TP63: variants seen among roughly 807,000 people sequenced by gnomAD.
TP63 encodes the protein tumor protein 63.
Under a neutral mutation model 82.8 loss-of-function variants are expected in TP63, and 17 were observed. That is an observed-to-expected ratio of 0.21 (90% CI 0.14 to 0.31). The LOEUF is 0.31. Ranked by LOEUF, TP63 falls within the 10% of genes least tolerant of loss-of-function variation. TP63 has a pLI of 1.00. For synonymous variants in TP63, 330 were observed against 321.7 expected (o/e 1.03, Z -0.28); for missense variants, 648 against 895.3 (o/e 0.72, Z 3.52).
chr3:189,731,810 A>C (rs1393772078), intron 1 of TP63, among the ~76,000 whole-genome samples: 1 of 152,234 alleles, frequency 6.6e-6, no homozygotes, highest in African/African-American at 2.4e-5. Context: ...CTTTGAACAG[A>C]ATGATTGTTC....
chr3:189,603,947 C>A, the TP63 span, among the ~76,000 whole-genome samples: 1 of 152,028 alleles, frequency 6.6e-6, no homozygotes, highest in African/African-American at 2.4e-5. Context: ...CAAAAGTTAA[C>A]ACTCCAGCCA....
intron 3 of TP63, among the ~76,000 whole-genome samples, chr3:189,748,796 A>T (rs1413672828): frequency 6.6e-6 from 1 of 152,142 alleles, no homozygotes; most frequent in African/African-American, 2.4e-5. Context: ...TTAGAAGCCT[A>T]AAGTAACCAA....
At chr3:189,609,736 A>G in the TP63 span, among the ~76,000 whole-genome samples, 1 of 152,210 alleles carries the variant, frequency 6.6e-6, no homozygotes, top group African/African-American at 2.4e-5. Flanking sequence ...GCTGCGTAAT[A>G]TTCCATGGTG....
chr3:189,880,060 G>A, intron 10 of TP63: 1 of 1,613,464 alleles, frequency 6.2e-7, no homozygotes, highest in Non-Finnish European at 8.5e-7. Flanking sequence ...GTTCCTCTCT[G>A]CAGTCTCCTT....
intron 1 of TP63, among the ~76,000 whole-genome samples, chr3:189,682,550 AAAAATATATATATATATATATATAT>A (rs59441046): frequency 0.34 from 15,454 of 45,146 alleles, 1,345 homozygotes; most frequent in Admixed American, 0.44. Flanking sequence ...AAAAAAAAAA[AAAAATATATATATATATATATATAT>A]ATATATATAT....
intron 1 of TP63, among the ~76,000 whole-genome samples, chr3:189,645,063 A>G (rs1712289373): frequency 6.6e-6 from 1 of 152,114 alleles, no homozygotes; most frequent in African/African-American, 2.4e-5. Context: ...ATAATTTGTT[A>G]TGTACCTGTT....
chr3:189,878,914 C>T (rs919343590), intron 10 of TP63, among the ~76,000 whole-genome samples: 3 of 139,656 alleles, frequency 2.1e-5, no homozygotes, highest in African/African-American at 8.1e-5. Context: ...AGGTGTGAGC[C>T]ACCGCGCCCA....
chr3:189,860,111 C>CG lies in TP63; in HGVS notation c.580-4119dup, dbSNP rs770902164. Among the ~76,000 whole-genome samples, 7 of 151,670 alleles carry CG rather than the reference C, an allele frequency of 4.6e-5. No individual in the cohort carries two copies. In the East Asian group the frequency reaches 9.7e-4, roughly 21 times the overall value. On this transcript the variant is annotated intron_variant, in intron 4 of 13. Coordinates refer to ENST00000264731, the MANE Select transcript of TP63 (RefSeq NM_003722.5). Reference sequence around the variant, plus strand: ...TGCACTTAAAAACTGGTATACTTTGCGGAAAAGTATACCACATAAAACAAA... The same window carrying CG: ...TGCACTTAAAAACTGGTATACTTTGCGGGAAAAGTATACCACATAAAACAAA...
chr3:189,890,996 CA>C, intron 13 of TP63, 114 bp downstream of exon 13: 1 of 929,254 alleles, frequency 1.1e-6, no homozygotes, highest in Non-Finnish European at 1.7e-6. Flanking sequence ...GTCATGCCCC[CA>C]ATTATCCATT....
In TP63 at chr3:189,895,754, T is replaced by C. The variant is rs1291344848; in HGVS notation, c.*1252T>C. ...CTCCTATTCTATAAAACTCTGCATG[T>C]AGAGGCTTGTTTACCTTTCTCTCTC... On this transcript the variant is annotated 3_prime_UTR_variant, in exon 14 of 14. Coordinates refer to ENST00000264731, the MANE Select transcript of TP63 (RefSeq NM_003722.5). The C allele has an allele frequency of 1.3e-5, 3 of 228,378 alleles. No individual in the cohort carries two copies. The highest frequency in any genetic ancestry group is 6.6e-5 in the African/African-American group (3 of 45,122). The allele number at this position is 228,378 out of a possible 1,614,324, so 14.1% of individuals were successfully genotyped here. A position where few individuals can be genotyped will look rare whatever the true frequency, so the allele number is the denominator to read the frequency against.
intron 3 of TP63, among the ~76,000 whole-genome samples, chr3:189,745,767 A>C (rs1156395476): frequency 6.6e-6 from 1 of 151,000 alleles, no homozygotes; most frequent in Non-Finnish European, 1.5e-5. Flanking sequence ...GAATTTACTA[A>C]GTGAAATCCA....
chr3:189,638,549 G>C (rs1711535705), intron 1 of TP63, among the ~76,000 whole-genome samples: 1 of 152,072 alleles, frequency 6.6e-6, no homozygotes, highest in African/African-American at 2.4e-5. Context: ...CTGACTCTTA[G>C]ATGGCAGCTC....
chr3:189,797,475 C>T (rs1466974639), intron 3 of TP63, among the ~76,000 whole-genome samples: 1 of 152,050 alleles, frequency 6.6e-6, no homozygotes, highest in Non-Finnish European at 1.5e-5. Context: ...TATTCTTTCT[C>T]AGATCACAGA....
At chr3:189,770,024 G>C (rs1268529788) in intron 3 of TP63, among the ~76,000 whole-genome samples, 1 of 152,180 alleles carries the variant, frequency 6.6e-6, no homozygotes, top group East Asian at 1.9e-4. Context: ...GTTTTTGTGT[G>C]TTAAACATAT....
intron 3 of TP63, among the ~76,000 whole-genome samples, chr3:189,753,627 T>C (rs1303514647): frequency 2.0e-5 from 3 of 152,062 alleles, no homozygotes; most frequent in Non-Finnish European, 4.4e-5. Flanking sequence ...TGATAGCTCC[T>C]GTCTTTTAAT....
the TP63 span, among the ~76,000 whole-genome samples, chr3:189,626,043 A>T: frequency 6.6e-6 from 1 of 152,162 alleles, no homozygotes; most frequent in Non-Finnish European, 1.5e-5. Flanking sequence ...CTGAAGAGAG[A>T]TGGAGGTCAA....
intron 4 of TP63, among the ~76,000 whole-genome samples, chr3:189,814,004 G>A (rs1356680261): frequency 1.3e-5 from 2 of 152,160 alleles, no homozygotes; most frequent in Non-Finnish European, 2.9e-5. Flanking sequence ...GGAGAGATTA[G>A]GGAGGTGGCG....
chr3:189,712,136 C>G (rs868321496), intron 1 of TP63, among the ~76,000 whole-genome samples: 1 of 152,074 alleles, frequency 6.6e-6, no homozygotes, highest in South Asian at 2.1e-4. Context: ...CAATAGGCAC[C>G]GTGGTAGACA....
chr3:189,657,562 T>G (rs984015396), intron 1 of TP63, among the ~76,000 whole-genome samples: 1 of 152,124 alleles, frequency 6.6e-6, no homozygotes, highest in Non-Finnish European at 1.5e-5. Flanking sequence ...AGATACAATT[T>G]AACAATATTG....
Sources: allele counts gnomAD v4.1 joint callset (sites outside exome capture counted in the v4.1 genomes callset), GRCh38; gene constraint gnomAD v4.1.1; transcripts MANE v1.5; gene names NCBI Gene and HGNC (gene_info 2026-07-23, HGNC 2026-07-21).